The following IMMP2L variants were observed in gnomAD, a reference collection of about 807,000 sequenced individuals.
The protein encoded by IMMP2L is inner mitochondrial membrane peptidase subunit 2.
IMMP2L carries 18 observed loss-of-function variants against 19.3 expected under a neutral mutation model. That is an observed-to-expected ratio of 0.93 (90% confidence interval 0.64 to 1.38). IMMP2L has a LOEUF of 1.38. Among genes scored for constraint, IMMP2L ranks in the 40% most tolerant of loss-of-function variants. The pLI, the probability that IMMP2L is intolerant of heterozygous loss-of-function variation, is 0.00. For synonymous variants in IMMP2L, 76 were observed against 73.0 expected, an observed-to-expected ratio of 1.04 and a Z score of -0.21; for missense variants, 233 against 218.2, an observed-to-expected ratio of 1.07 and a Z score of -0.43.
Position 110,760,850 on chromosome 7 carries a change from G to T in IMMP2L, c.409-97129C>A, listed in dbSNP as rs568727462. On this transcript the variant is annotated intron_variant, in intron 5 of 5. Coordinates refer to ENST00000405709, the MANE Select transcript of IMMP2L (RefSeq NM_032549.4). This position sits in a 1 kb window ranked among gnomAD's most constrained non-coding sequence, Gnocchi z 4.2. ...ATCATCACAGTAGGCACCTCACAAAGGTCATGCAGACCTTAGAGGAAATTA... is the reference window on the plus strand; with the variant it reads ...ATCATCACAGTAGGCACCTCACAAATGTCATGCAGACCTTAGAGGAAATTA... 4.6e-5 allele frequency among the ~76,000 whole-genome samples: 7 copies of T among 152,208 alleles called. No individual in the cohort carries two copies. Among genetic ancestry groups the T allele is most frequent in the African/African-American group, 1.7e-4 (7 of 41,534 alleles).
intron 3 of IMMP2L, among the ~76,000 whole-genome samples, chr7:111,043,142 A>G (rs1281219939): frequency 6.6e-6 from 1 of 152,190 alleles, no homozygotes; most frequent in Non-Finnish European, 1.5e-5. Context: ...CTAATGGCCC[A>G]ACCTGTAGTA....
At chr7:111,289,759 C>T (rs540720280) in intron 3 of IMMP2L, among the ~76,000 whole-genome samples, 15 of 151,964 alleles carry the variant, frequency 9.9e-5, no homozygotes, top group African/African-American at 3.1e-4. Flanking sequence ...TGCAGTGGCG[C>T]GATCTCGGCT....
At chr7:110,724,298 A>T (rs117712787) in intron 5 of IMMP2L, 1 of 152,292 alleles carries the variant, frequency 6.6e-6, no homozygotes, top group East Asian at 1.9e-4. Context: ...TGAGTTAAGG[A>T]CAATTATTAG....
At chr7:111,319,214 C>T (rs905561693) in intron 3 of IMMP2L, among the ~76,000 whole-genome samples, 19 of 152,182 alleles carry the variant, frequency 1.2e-4, no homozygotes, top group African/African-American at 4.1e-4. Context: ...TTTTTTCACC[C>T]TCACATCATC....
intron 1 of IMMP2L, among the ~76,000 whole-genome samples, chr7:111,556,014 G>GTGTATATATATATA: frequency 8.7e-6 from 1 of 114,570 alleles, no homozygotes; most frequent in African/African-American, 3.3e-5. Context: ...TCTTCTGTGT[G>GTGTATATATATATA]CATGTATATA....
intron 4 of IMMP2L, among the ~76,000 whole-genome samples, chr7:110,895,010 C>G (rs780950662): frequency 2.0e-5 from 3 of 152,116 alleles, no homozygotes; most frequent in African/African-American, 4.8e-5. Context: ...TTTCATGCTG[C>G]TGATAAAGAC....
chr7:111,272,160 C>A (rs1046943790), intron 3 of IMMP2L, among the ~76,000 whole-genome samples: 3 of 152,082 alleles, frequency 2.0e-5, no homozygotes, highest in South Asian at 2.1e-4. Context: ...ATGTGGCTTC[C>A]CATAACCTCC....
At chr7:111,010,084 G>A (rs1824774605) in intron 3 of IMMP2L, among the ~76,000 whole-genome samples, 1 of 152,078 alleles carries the variant, frequency 6.6e-6, no homozygotes, top group Non-Finnish European at 1.5e-5. Flanking sequence ...AAGTTCCTTA[G>A]ATAAATATTC....
rs536398054 is a variant in IMMP2L, at chr7:111,326,165, C to A, written c.239+161073G>T. On this transcript the variant is annotated intron_variant, in intron 3 of 5. Transcript: ENST00000405709. ...AGATATAAAGAAAATTACACTTAAT[C>A]GAATTTTATATATTTTAGGTATTTT... Among the ~76,000 whole-genome samples, 22 of 151,542 alleles carry A rather than the reference C, an allele frequency of 1.5e-4. No homozygotes were observed. In the East Asian group the frequency reaches 3.3e-3, roughly 23 times the overall value.
chr7:110,945,298 G>A (rs1383233235), intron 4 of IMMP2L, among the ~76,000 whole-genome samples: 1 of 151,986 alleles, frequency 6.6e-6, no homozygotes, highest in African/African-American at 2.4e-5. Flanking sequence ...GCATTCTTGT[G>A]GAAGTGTGAA....
chr7:110,923,551 C>T (rs1458108524), intron 4 of IMMP2L, among the ~76,000 whole-genome samples: 1 of 152,158 alleles, frequency 6.6e-6, no homozygotes, highest in Admixed American at 6.5e-5. Context: ...TGTCTACACA[C>T]ATTTTACTTT....
At chr7:111,175,414 G>T (rs1806932600) in intron 3 of IMMP2L, among the ~76,000 whole-genome samples, 1 of 151,780 alleles carries the variant, frequency 6.6e-6, no homozygotes, top group Non-Finnish European at 1.5e-5. Flanking sequence ...AATATGGGGG[G>T]TAGGAGAGAT....
In IMMP2L at chr7:110,758,697, A is replaced by G. The variant is rs1464342874; in HGVS notation, c.409-94976T>C. Among the ~76,000 whole-genome samples, 1 of 152,162 alleles carries G rather than the reference A, an allele frequency of 6.6e-6. No homozygotes were observed. The highest frequency in any genetic ancestry group is 2.4e-5 in the African/African-American group (1 of 41,460). On this transcript the variant is annotated intron_variant, in intron 5 of 5. Transcript: ENST00000405709. The surrounding 1 kb of genome is among the most constrained non-coding windows in gnomAD (Gnocchi z 4.6). ...GTATATAATCAAGATCTTGGAGTTT[A>G]ACTCACTGTTTTGTCACTGATGAGC... is the stretch of plus-strand genomic sequence containing the variant.
chr7:110,855,158 A>G (rs1014333335), intron 5 of IMMP2L, among the ~76,000 whole-genome samples: 4 of 152,002 alleles, frequency 2.6e-5, no homozygotes, highest in Admixed American at 1.3e-4. Flanking sequence ...AAGAAAATAT[A>G]TGGGGAAAAA....
intron 3 of IMMP2L, among the ~76,000 whole-genome samples, chr7:111,072,566 A>T (rs569489381): frequency 6.6e-6 from 1 of 152,058 alleles, no homozygotes; most frequent in African/African-American, 2.4e-5. Context: ...AAAAGTCAGC[A>T]TGACAAAAGA....
At chr7:111,368,091 T>C (rs1395527921) in intron 3 of IMMP2L, among the ~76,000 whole-genome samples, 1 of 151,820 alleles carries the variant, frequency 6.6e-6, no homozygotes, top group Non-Finnish European at 1.5e-5. Flanking sequence ...ATAATCCACA[T>C]TTTATAAATA....
intron 3 of IMMP2L, among the ~76,000 whole-genome samples, chr7:111,337,645 A>C (rs12539177): frequency 0.34 from 50,384 of 149,190 alleles, 9,127 homozygotes; most frequent in South Asian, 0.58. Context: ...CAAGGTAAAC[A>C]GAGAAACTAA....
chr7:111,070,582 A>G (rs1452531381), intron 3 of IMMP2L, among the ~76,000 whole-genome samples: 1 of 152,206 alleles, frequency 6.6e-6, no homozygotes, highest in Non-Finnish European at 1.5e-5. Flanking sequence ...AAGAGACTTT[A>G]TAAGTTTGCC....
At position 110,996,610 on chromosome 7, in the gene IMMP2L, T is replaced by G. The variant is rs148712542; in HGVS notation, c.240-33045A>C. 5.6e-3 allele frequency among the ~76,000 whole-genome samples: 859 copies of G among 152,232 alleles called. 4 individuals are homozygous for G. Among genetic ancestry groups the G allele is most frequent in the African/African-American group, 7.5e-3 (312 of 41,542 alleles). On this transcript the variant is annotated intron_variant, in intron 3 of 5. Transcript: ENST00000405709. Reference sequence around the variant, plus strand: ...AGAGAACCAGATTAGCAATCCCTCCTGATAGAATAGGATATTTAAAATCCT... The same window carrying G: ...AGAGAACCAGATTAGCAATCCCTCCGGATAGAATAGGATATTTAAAATCCT...
Sources: gnomAD v4.1 joint callset for allele counts (sites outside exome capture counted in the v4.1 genomes callset) on GRCh38, gnomAD v4.1.1 for gene constraint, Gnocchi (gnomAD v3.1) non-coding constraint, MANE v1.5 for transcripts, NCBI Gene and HGNC (gene_info 2026-07-23, HGNC 2026-07-21) for gene names.